The following TENM2 variants were observed in gnomAD, a reference collection of about 807,000 sequenced individuals.
TENM2 encodes teneurin transmembrane protein 2.
TENM2 carries 52 observed loss-of-function variants against 245.2 expected under a neutral mutation model. The ratio of observed to expected loss-of-function variants is 0.21; its 90% CI spans 0.17 to 0.27. The LOEUF (loss-of-function observed/expected upper bound fraction) is 0.27. TENM2 is among the 10% of genes least tolerant of loss of function. The pLI is 1.00. For synonymous variants in TENM2, 1,363 were observed against 1,438.9 expected (o/e 0.95, Z 1.19); for missense variants, 3,046 against 3,666.8 (o/e 0.83, Z 4.37).
At chr5:167,710,334 T>C (rs539552357) in intron 2 of TENM2, among the ~76,000 whole-genome samples, 1 of 139,228 alleles carries the variant, frequency 7.2e-6, no homozygotes, top group Non-Finnish European at 1.5e-5. Flanking sequence ...TAAGTGACTT[T>C]CGATTTCATG....
At chr5:167,486,312 T>C (rs890364684) in intron 2 of TENM2, among the ~76,000 whole-genome samples, 2 of 151,670 alleles carry the variant, frequency 1.3e-5, no homozygotes, top group African/African-American at 2.4e-5. Context: ...ATTTTTGCCA[T>C]TTCTTTTTCT....
At chr5:167,574,969 A>G (rs932024622) in intron 2 of TENM2, among the ~76,000 whole-genome samples, 1 of 152,154 alleles carries the variant, frequency 6.6e-6, no homozygotes, top group Non-Finnish European at 1.5e-5. Flanking sequence ...CACAAAATGC[A>G]TGATCTCCCA....
chr5:167,411,704 T>A (rs2127405605), intron 2 of TENM2, among the ~76,000 whole-genome samples: 1 of 152,072 alleles, frequency 6.6e-6, no homozygotes, highest in Non-Finnish European at 1.5e-5. Flanking sequence ...AAGTTTAAGT[T>A]ATGAAGTAAT....
At chr5:167,731,166 C>T (rs996439878) in intron 2 of TENM2, among the ~76,000 whole-genome samples, 1 of 150,128 alleles carries the variant, frequency 6.7e-6, no homozygotes, top group Non-Finnish European at 1.5e-5. Context: ...AACCCCATGC[C>T]AGTTGACTAA....
At chr5:167,152,808 G>T in the TENM2 span, among the ~76,000 whole-genome samples, 1 of 152,126 alleles carries the variant, frequency 6.6e-6, no homozygotes, top group African/African-American at 2.4e-5. Flanking sequence ...GACAGCAGGA[G>T]ATTCTATCAG....
At chr5:167,777,721 G>C (rs1181744853) in intron 2 of TENM2, among the ~76,000 whole-genome samples, 1 of 152,188 alleles carries the variant, frequency 6.6e-6, no homozygotes, top group African/African-American at 2.4e-5. Flanking sequence ...TATGTTAAGT[G>C]CTTATATGTT....
intron 9 of TENM2, 65 bp downstream of exon 11, chr5:168,098,192 T>G: frequency 8.6e-7 from 1 of 1,168,910 alleles, no homozygotes; most frequent in Non-Finnish European, 1.3e-6. Context: ...TCTGAGCGGG[T>G]AACAGAAGGG....
chr5:167,440,451 A>C (rs1764816573), intron 2 of TENM2, among the ~76,000 whole-genome samples: 1 of 152,176 alleles, frequency 6.6e-6, no homozygotes, highest in Admixed American at 6.5e-5. Context: ...TGGAAACAAA[A>C]TGTGTCACAT....
chr5:168,197,655 A>C (rs61098277), intron 15 of TENM2, among the ~76,000 whole-genome samples: 1 of 149,032 alleles, frequency 6.7e-6, no homozygotes, highest in African/African-American at 2.5e-5. Flanking sequence ...AGCCCAAATC[A>C]TGCCACTGCG....
At chr5:168,068,845 T>TTGTGTGTG (rs34926603) in intron 7 of TENM2, among the ~76,000 whole-genome samples, 1 of 150,480 alleles carries the variant, frequency 6.6e-6, no homozygotes, top group Non-Finnish European at 1.5e-5. Context: ...CTCTGTGTGT[T>TTGTGTGTG]TGTGTGTGTG....
chr5:167,515,648 TAC>T (rs1554168372), intron 2 of TENM2, among the ~76,000 whole-genome samples: 2 of 132,650 alleles, frequency 1.5e-5, no homozygotes, highest in Non-Finnish European at 3.2e-5. Flanking sequence ...TGTATATATA[TAC>T]ACATATATAC....
chr5:167,067,210 AC>A, the TENM2 span, among the ~76,000 whole-genome samples: 1 of 152,166 alleles, frequency 6.6e-6, no homozygotes, highest in South Asian at 2.1e-4. Flanking sequence ...GTACCAGACA[AC>A]CCTTAAGCAA....
the TENM2 span, among the ~76,000 whole-genome samples, chr5:167,063,575 G>A: frequency 3.0e-4 from 46 of 152,216 alleles, no homozygotes; most frequent in East Asian, 7.2e-3. Context: ...TGGCTTCCTC[G>A]ACTTTGATTA....
chr5:167,485,630 C>G (rs1223349069), intron 2 of TENM2, among the ~76,000 whole-genome samples: 1 of 152,070 alleles, frequency 6.6e-6, no homozygotes, highest in Admixed American at 6.5e-5. Flanking sequence ...TCATAGCTCC[C>G]TGGGAGGTGG....
chr5:167,886,316 T>C (rs527250892), intron 3 of TENM2, among the ~76,000 whole-genome samples: 10 of 152,292 alleles, frequency 6.6e-5, no homozygotes, highest in Admixed American at 1.3e-4. Context: ...AGAAAAAATA[T>C]ATATATTCAA....
chr5:168,188,168 T>C (rs1257500366), intron 13 of TENM2, among the ~76,000 whole-genome samples: 1 of 152,258 alleles, frequency 6.6e-6, no homozygotes, highest in Non-Finnish European at 1.5e-5. Context: ...TATTTCATTT[T>C]CATTAGCGGA....
chr5:167,685,168 A>ATAAG (rs1756990013), intron 2 of TENM2, among the ~76,000 whole-genome samples: 1 of 152,228 alleles, frequency 6.6e-6, no homozygotes, highest in Non-Finnish European at 1.5e-5. Context: ...ATCATTGAAT[A>ATAAG]TAAGTGCTAT....
chr5:167,893,485 C>A (rs980236414), intron 3 of TENM2, among the ~76,000 whole-genome samples: 5 of 152,144 alleles, frequency 3.3e-5, no homozygotes, highest in African/African-American at 7.2e-5. Context: ...ACCTCTTTAA[C>A]TCTGTGAGTT....
intron 5 of TENM2, among the ~76,000 whole-genome samples, chr5:168,005,125 G>T (rs937621092): frequency 3.3e-5 from 5 of 152,184 alleles, no homozygotes; most frequent in African/African-American, 1.2e-4. Flanking sequence ...CAGGAATTAA[G>T]CCTTTCGGAA....
Sources: gnomAD v4.1 joint callset for allele counts (sites outside exome capture counted in the v4.1 genomes callset) on GRCh38, gnomAD v4.1.1 for gene constraint, MANE v1.5 for transcripts, NCBI Gene and HGNC (gene_info 2026-07-23, HGNC 2026-07-21) for gene names.